PHACTR4: variants seen among roughly 807,000 people sequenced by gnomAD.
PHACTR4 encodes phosphatase and actin regulator 4, also known as protein phosphatase 1, regulatory subunit 124.
In PHACTR4, 51 loss-of-function variants were observed where a neutral mutation model predicts 72.7. The observed-to-expected ratio is 0.70, with a 90% CI of 0.56 to 0.89. The LOEUF is 0.89. Ranked by LOEUF, PHACTR4 falls within the 40% of genes least tolerant of loss-of-function variation. PHACTR4 has a pLI of 0.00. For missense variants in PHACTR4, 731 were observed against 861.8 expected, an observed-to-expected ratio of 0.85 and a Z score of 1.90; for synonymous variants, 255 against 302.5, an observed-to-expected ratio of 0.84 and a Z score of 1.63.
At chr1:28,443,263 G>GTCTTTCTTTCCTTCTT (rs144990301) in intron 2 of PHACTR4, among the ~76,000 whole-genome samples, 33,900 of 150,980 alleles carry the variant, frequency 0.22, 4,130 homozygotes, top group Non-Finnish European at 0.27. Flanking sequence ...GGATTTCATT[G>GTCTTTCTTTCCTTCTT]TCTTTCTTTC....
At chr1:28,464,193 T>C (rs927666832) in intron 4 of PHACTR4, among the ~76,000 whole-genome samples, 1 of 152,110 alleles carries the variant, frequency 6.6e-6, no homozygotes, top group Non-Finnish European at 1.5e-5. Context: ...CTCAAACTCC[T>C]GACCTCAGAT....
chr1:28,375,529 A>T (rs1380468222), intron 1 of PHACTR4, among the ~76,000 whole-genome samples: 1 of 151,740 alleles, frequency 6.6e-6, no homozygotes, highest in African/African-American at 2.4e-5. Flanking sequence ...AAAAAAAAAA[A>T]TTAAAAATCA....
In PHACTR4 at chr1:28,483,518, A is replaced by G. The variant is rs780875858; in HGVS notation, c.1760+2914A>G. On this transcript the variant is annotated intron_variant, in intron 9 of 13. Transcript: ENST00000373839. ...AAATTACAAAAAAAAGAGATAAATCATGGCCGGACGCGGTGGCTCACGCCT... is the reference window on the plus strand; with the variant it reads ...AAATTACAAAAAAAAGAGATAAATCGTGGCCGGACGCGGTGGCTCACGCCT... 1.2e-3 allele frequency among the ~76,000 whole-genome samples: 176 copies of G among 152,092 alleles called. 1 individual carries two copies. Among genetic ancestry groups the G allele is most frequent in the Non-Finnish European group, 3.7e-4 (25 of 67,994 alleles).
At chr1:28,379,763 G>A (rs1651997122) in intron 1 of PHACTR4, among the ~76,000 whole-genome samples, 1 of 151,358 alleles carries the variant, frequency 6.6e-6, no homozygotes, top group Admixed American at 6.6e-5. Flanking sequence ...CTAATTTTTT[G>A]TATTTTTAGT....
intron 1 of PHACTR4, among the ~76,000 whole-genome samples, chr1:28,380,206 G>A (rs1314660139): frequency 2.0e-5 from 3 of 150,328 alleles, no homozygotes; most frequent in Non-Finnish European, 1.5e-5. Context: ...ACAGGCGTCC[G>A]CTACCACGCC....
Position 28,426,354 on chromosome 1 carries a change from G to C in PHACTR4, c.16+18891G>C, listed in dbSNP as rs984637459. Among the ~76,000 whole-genome samples the C allele has an allele frequency of 2.0e-5, 3 of 152,076 alleles. No homozygotes were observed. In the East Asian group the frequency reaches 5.8e-4, roughly 29 times the overall value. ...GTACTATGAAAAACAGATAACACAT[G>C]CTGATGAAACGTGGAATTGGGAGGC... On this transcript the variant is annotated intron_variant, in intron 2 of 13. Transcript: ENST00000373839.
chr1:28,477,815 T>C (rs1018831887), intron 8 of PHACTR4, among the ~76,000 whole-genome samples: 35 of 152,068 alleles, frequency 2.3e-4, no homozygotes, highest in African/African-American at 7.5e-4. Context: ...GCCTCCCAAG[T>C]AGCTGAGAAC....
At chr1:28,463,713 G>A (rs1054013103) in intron 4 of PHACTR4, among the ~76,000 whole-genome samples, 11 of 152,076 alleles carry the variant, frequency 7.2e-5, no homozygotes, top group Non-Finnish European at 1.5e-4. Flanking sequence ...ATTACTTTGA[G>A]CCTACACTCC....
At chr1:28,411,903 AAGAAAGAAAGAAAG>A (rs1654818745) in intron 2 of PHACTR4, among the ~76,000 whole-genome samples, 1 of 151,692 alleles carries the variant, frequency 6.6e-6, no homozygotes, top group Non-Finnish European at 1.5e-5. Context: ...GAATGAACAA[AAGAAAGAAAGAAAG>A]AGAAAGAAAG....
chr1:28,441,476 C>A (rs1569959716), intron 2 of PHACTR4, among the ~76,000 whole-genome samples: 1 of 152,118 alleles, frequency 6.6e-6, no homozygotes, highest in East Asian at 1.9e-4. Flanking sequence ...AAATAAATAA[C>A]CTTTGCATGA....
chr1:28,391,599 CTTT>C (rs751801605), intron 1 of PHACTR4, among the ~76,000 whole-genome samples: 1,142 of 98,750 alleles, frequency 0.012, 6 homozygotes, highest in African/African-American at 0.026. Flanking sequence ...AAAATATATT[CTTT>C]TTTTTTTTTT....
chr1:28,414,449 A>T (rs988474307), intron 2 of PHACTR4, among the ~76,000 whole-genome samples: 2 of 147,056 alleles, frequency 1.4e-5, no homozygotes, highest in African/African-American at 2.6e-5. Context: ...AAAAAAAAAA[A>T]GCACCGCAGC....
intron 2 of PHACTR4, among the ~76,000 whole-genome samples, chr1:28,442,580 C>T (rs970924170): frequency 6.6e-6 from 1 of 151,982 alleles, no homozygotes; most frequent in Non-Finnish European, 1.5e-5. Context: ...GATTTCGACT[C>T]ACTGCAACTT....
rs1036295183 is a variant in PHACTR4, at chr1:28,476,311, G to A, written c.1606+20G>A. 6.4e-7 allele frequency: 1 copy of A among 1,566,374 alleles called. No homozygotes were observed. Among genetic ancestry groups the A allele is most frequent in the Non-Finnish European group, 8.6e-7 (1 of 1,161,268 alleles). On this transcript the variant is annotated intron_variant, in intron 8 of 13. Coordinates refer to ENST00000373839, the MANE Select transcript of PHACTR4 (RefSeq NM_001048183.3). ...ATCAGAGTAAGAAAGGGAGGGAAAA[G>A]CAAAACAGAGAATTCTTTTCCAGAT...
chr1:28,406,478 C>T (rs1476454174), intron 1 of PHACTR4, among the ~76,000 whole-genome samples: 1 of 152,060 alleles, frequency 6.6e-6, no homozygotes, highest in Non-Finnish European at 1.5e-5. Flanking sequence ...TTGTTAAAAG[C>T]AGAAAAATTC....
At chr1:28,392,221 C>A (rs766243022) in intron 1 of PHACTR4, among the ~76,000 whole-genome samples, 30 of 152,052 alleles carry the variant, frequency 2.0e-4, no homozygotes, top group Non-Finnish European at 2.6e-4. Context: ...CATGAATCAT[C>A]TCTTTGCTCG....
At chr1:28,379,230 C>T (rs1389978897) in intron 1 of PHACTR4, among the ~76,000 whole-genome samples, 7 of 151,918 alleles carry the variant, frequency 4.6e-5, no homozygotes, top group Non-Finnish European at 8.8e-5. Context: ...GCTTGAATTA[C>T]ACGCATGAGC....
At chr1:28,392,893 A>G (rs1400896381) in intron 1 of PHACTR4, among the ~76,000 whole-genome samples, 1 of 152,158 alleles carries the variant, frequency 6.6e-6, no homozygotes, top group African/African-American at 2.4e-5. Context: ...AAATTGTGCT[A>G]GTTTTGCTGT....
chr1:28,390,681 TACTC>T (rs1453435752), intron 1 of PHACTR4, among the ~76,000 whole-genome samples: 5 of 151,956 alleles, frequency 3.3e-5, no homozygotes, highest in East Asian at 1.9e-4. Flanking sequence ...TAATCCCACA[TACTC>T]AGGAGGCTGA....
Sources: gnomAD v4.1 joint callset for allele counts (sites outside exome capture counted in the v4.1 genomes callset) on GRCh38, gnomAD v4.1.1 for gene constraint, MANE v1.5 for transcripts, NCBI Gene and HGNC (gene_info 2026-07-23, HGNC 2026-07-21) for gene names.